Variants in MRPL58 observed in about 807,000 individuals in gnomAD.
The protein encoded by MRPL58 is large ribosomal subunit protein mL62.
A neutral mutation model predicts 26.0 loss-of-function variants in MRPL58; 17 were observed. The ratio of observed to expected loss-of-function variants is 0.65; its 90% CI spans 0.45 to 0.98. MRPL58 has a LOEUF of 0.98. Ranked by LOEUF, MRPL58 falls within the 50% of genes least tolerant of loss-of-function variation. The probability of loss-of-function intolerance (pLI) is 0.00; values close to 1 mark genes in which losing one functional copy is unlikely to be tolerated. For missense variants in MRPL58, 250 were observed against 269.0 expected (o/e 0.93, Z 0.49); for synonymous variants, 100 against 99.7 (o/e 1.00, Z -0.02).
chr17:75,019,837 C>G, intron 3 of MRPL58, 78 bp downstream of exon 3: 2 of 1,135,472 alleles, frequency 1.8e-6, no homozygotes, highest in Non-Finnish European at 2.5e-6. Flanking sequence ...TGTTTGTGTT[C>G]ATATGGAATA....
intron 2 of MRPL58, among the ~76,000 whole-genome samples, chr17:75,018,424 G>C (rs2039989946): frequency 1.3e-5 from 2 of 151,942 alleles, no homozygotes. Flanking sequence ...AGTAGAGACG[G>C]GGTTTCACCA....
intron 1 of MRPL58, among the ~76,000 whole-genome samples, chr17:75,014,570 A>C (rs1461640360): frequency 6.6e-6 from 1 of 150,564 alleles, no homozygotes; most frequent in African/African-American, 2.5e-5. Flanking sequence ...CAGCCTCCCG[A>C]GTAGCTGGGA....
Position 75,017,114 on chromosome 17 carries a change from G to C in MRPL58, c.223G>C (p.Asp75His). The change falls in exon 2 of 6, where the codon GAT becomes CAT. Residue 75 changes from aspartate to histidine, a missense_variant and splice_region_variant. Transcript: ENST00000301585. ...GCAAGCCGACAGTGACATCCCTCTA[G>C]GTAAGTAATTTTGTTTTCTTAAAAA... Reference protein sequence around the residue: ...AKQADSDIPLDRLTISYCRSS... With the variant: ...AKQADSDIPLHRLTISYCRSS... 6.2e-7 allele frequency: 1 copy of C among 1,611,502 alleles called. No individual in the cohort carries two copies. The highest frequency in any genetic ancestry group is 8.5e-7 in the Non-Finnish European group (1 of 1,177,680).
intron 2 of MRPL58, among the ~76,000 whole-genome samples, chr17:75,018,310 C>T (rs1275832272): frequency 4.0e-5 from 6 of 151,846 alleles, no homozygotes; most frequent in Non-Finnish European, 7.4e-5. Context: ...CGGCTCACTG[C>T]AAGTTCCGCC....
chr17:75,019,894 C>A, intron 3 of MRPL58, 135 bp downstream of exon 3: 1 of 639,238 alleles, frequency 1.6e-6, no homozygotes, highest in East Asian at 2.9e-5. Flanking sequence ...TTATAATAAT[C>A]CTCTTTATTC....
intron 1 of MRPL58, among the ~76,000 whole-genome samples, chr17:75,015,670 C>A (rs1200470786): frequency 6.6e-6 from 1 of 152,176 alleles, no homozygotes; most frequent in Non-Finnish European, 1.5e-5. Context: ...ACAGAAGGAA[C>A]ATGCTTCAGG....
rs1311918581 is a variant in MRPL58, at chr17:75,017,098, C to CAGTG, written c.209_212dup (p.Asp71GlufsTer2). 3 of 1,612,592 alleles carry CAGTG rather than the reference C, an allele frequency of 1.9e-6. No individual in the cohort carries two copies. The highest frequency in any genetic ancestry group is 2.7e-5 in the African/African-American group (2 of 74,910). The stretch of plus-strand genomic sequence containing the variant: ...TACAGAATGGTGCAAAGCAAGCCGA[C>CAGTG]AGTGACATCCCTCTAGGTAAGTAAT... On this transcript the variant is annotated frameshift_variant, in exon 2 of 6. Coordinates refer to ENST00000301585, the MANE Select transcript of MRPL58 (RefSeq NM_001545.3). LOFTEE classifies it high-confidence loss of function.
At chr17:75,013,260 C>A (rs1237896490) in intron 1 of MRPL58, among the ~76,000 whole-genome samples, 1 of 152,170 alleles carries the variant, frequency 6.6e-6, no homozygotes, top group African/African-American at 2.4e-5. Context: ...TCTCTAGTAA[C>A]CCCAGGACGC....
chr17:75,020,377 GC>G lies in MRPL58; in HGVS notation c.349del (p.Gln117ArgfsTer3). The G allele has an allele frequency of 1.9e-6, 3 of 1,614,124 alleles. No individual in the cohort carries two copies. Among genetic ancestry groups the G allele is most frequent in the Non-Finnish European group, 8.5e-7 (1 of 1,180,012 alleles). The part of the protein sequence containing the change: ...TAEWIAEPVR[Q>X]KIAITHKNKI... ...CCGAGTGGATCGCGGAGCCCGTGCG[GC>G]AGAAGATAGCCATCACGGTAACCAC... is the stretch of plus-strand genomic sequence containing the variant. On this transcript the variant is annotated frameshift_variant, in exon 4 of 6. Coordinates refer to ENST00000301585, the MANE Select transcript of MRPL58 (RefSeq NM_001545.3). LOFTEE classifies it high-confidence loss of function.
chr17:75,019,604 A>C, intron 2 of MRPL58, 96 bp from the exon 3 acceptor site: 1 of 1,229,254 alleles, frequency 8.1e-7, no homozygotes, highest in Non-Finnish European at 1.2e-6. Flanking sequence ...AATTTTCCCA[A>C]TATAATACCT....
chr17:75,014,441 CTTT>C (rs35929744), intron 1 of MRPL58, among the ~76,000 whole-genome samples: 5 of 76,232 alleles, frequency 6.6e-5, no homozygotes, highest in Admixed American at 2.9e-4. Flanking sequence ...CCGCGCCAGG[CTTT>C]TTTTTTTTTT....
chr17:75,020,247 C>A, intron 3 of MRPL58, 66 bp from the exon 4 acceptor site: 1 of 1,233,284 alleles, frequency 8.1e-7, no homozygotes, highest in Non-Finnish European at 1.2e-6. Context: ...GGTCACTGGT[C>A]ACCCAGGGGT....
At position 75,012,708 on chromosome 17, in the gene MRPL58, C is replaced by T; in HGVS notation, c.22C>T (p.Arg8Cys). The change falls in exon 1 of 6, where the codon CGC (arginine) becomes TGC (cysteine). Residue 8 changes from arginine to cysteine, a missense_variant. Physicochemically the swap from Arg to Cys is radical, Grantham distance 180 (BLOSUM62 -3). Transcript: ENST00000301585. MAATRCL[R>C]WGLSRAGVWL... is the part of the protein sequence containing the mutation. ...GAGCATGGCGGCCACCAGGTGCCTGCGCTGGGGCCTGAGCCGAGCCGGAGT... is the reference window on the plus strand; with the variant it reads ...GAGCATGGCGGCCACCAGGTGCCTGTGCTGGGGCCTGAGCCGAGCCGGAGT... 6.4e-7 allele frequency: 1 copy of T among 1,563,534 alleles called. No homozygotes were observed. The highest frequency in any genetic ancestry group is 8.6e-7 in the Non-Finnish European group (1 of 1,157,520).
chr17:75,020,662 C>T lies in MRPL58; in HGVS notation c.536+5C>T. The T allele has an allele frequency of 6.2e-7, 1 of 1,613,502 alleles. No individual in the cohort carries two copies. The highest frequency in any genetic ancestry group is 8.5e-7 in the Non-Finnish European group (1 of 1,179,562). ...TGTTAAACTTCATAGAATCAGGTACCAGGAAATGCCCTAAGATGCTATAAA... is the reference window on the plus strand; with the variant it reads ...TGTTAAACTTCATAGAATCAGGTACTAGGAAATGCCCTAAGATGCTATAAA... On this transcript the variant is annotated splice_donor_5th_base_variant and intron_variant, in intron 5 of 5. Transcript: ENST00000301585.
chr17:75,016,556 C>T (rs1188120272), intron 1 of MRPL58, among the ~76,000 whole-genome samples: 1 of 151,926 alleles, frequency 6.6e-6, no homozygotes, highest in Admixed American at 6.5e-5. Context: ...AAGGGCGTTG[C>T]TGCTTGAGGA....
At position 75,012,691 on chromosome 17, in the gene MRPL58, C is replaced by G. The variant is rs1336254280; in HGVS notation, c.5C>G (p.Ala2Gly). ...AAGCAGTCGCAAGACCTGAGCATGGCGGCCACCAGGTGCCTGCGCTGGGGC... is the reference window on the plus strand; with the variant it reads ...AAGCAGTCGCAAGACCTGAGCATGGGGGCCACCAGGTGCCTGCGCTGGGGC... M[A>G]ATRCLRWGLS... The change falls in exon 1 of 6, where the codon GCG becomes GGG. Residue 2 changes from alanine (A) to glycine (G), a missense_variant. By Grantham distance (60) the Ala-to-Gly change is moderately conservative (BLOSUM62 0). Coordinates refer to ENST00000301585, the MANE Select transcript of MRPL58 (RefSeq NM_001545.3). 1 of 1,548,532 alleles carries G rather than the reference C, an allele frequency of 6.5e-7. No homozygotes were observed. The highest frequency in any genetic ancestry group is 1.4e-5 in the African/African-American group (1 of 72,280).
At chr17:75,016,174 C>T (rs540411194) in intron 1 of MRPL58, among the ~76,000 whole-genome samples, 2 of 150,720 alleles carry the variant, frequency 1.3e-5, no homozygotes, top group African/African-American at 4.9e-5. Context: ...GAGGCCAAGG[C>T]GGGCAGCTCT....
At position 75,021,104 on chromosome 17, in the gene MRPL58, C is replaced by A; in HGVS notation, c.*99C>A. ...AGGAGATTTCTGTTTTTCTTTTTGG[C>A]TGTTAATGCTTGTCTATAACATTGG... On this transcript the variant is annotated 3_prime_UTR_variant, in exon 6 of 6. Coordinates refer to ENST00000301585, the MANE Select transcript of MRPL58 (RefSeq NM_001545.3). 1.3e-6 allele frequency: 1 copy of A among 771,168 alleles called. No homozygotes were observed. Among genetic ancestry groups the A allele is most frequent in the Non-Finnish European group, 2.3e-6 (1 of 443,034 alleles). 47.8% of individuals were successfully genotyped at this position (771,168 alleles called of 1,614,324 possible).
chr17:75,012,732 G>C lies in MRPL58; in HGVS notation c.46G>C (p.Val16Leu). Residue 16 changes from valine (V) to leucine (L), a missense_variant, in exon 1 of 6, where the codon GTC (valine) becomes CTC (leucine). Physicochemically the swap from Val to Leu is conservative, Grantham distance 32. Coordinates refer to ENST00000301585, the MANE Select transcript of MRPL58 (RefSeq NM_001545.3). ...GCGCTGGGGCCTGAGCCGAGCCGGAGTCTGGCTGCTCCCACCGCCCGCACG... is the reference window on the plus strand; with the variant it reads ...GCGCTGGGGCCTGAGCCGAGCCGGACTCTGGCTGCTCCCACCGCCCGCACG... ...CLRWGLSRAG[V>L]WLLPPPARCP... The C allele has an allele frequency of 6.3e-7, 1 of 1,581,992 alleles. No homozygotes were observed. The highest frequency in any genetic ancestry group is 8.6e-7 in the Non-Finnish European group (1 of 1,166,126).
Sources: gnomAD v4.1 joint callset for allele counts (sites outside exome capture counted in the v4.1 genomes callset) on GRCh38, gnomAD v4.1.1 for gene constraint, MANE v1.5 for transcripts, NCBI Gene and HGNC (gene_info 2026-07-23, HGNC 2026-07-21) for gene names.